Variants in EDAR observed in about 807,000 individuals in gnomAD.
The protein encoded by EDAR is ectodysplasin A receptor, also known as tumor necrosis factor receptor superfamily member EDAR.
In EDAR, 38 loss-of-function variants were observed where a neutral mutation model predicts 51.3. The observed-to-expected ratio is 0.74, with a 90% CI of 0.57 to 0.97. The LOEUF is 0.97. Ranked by LOEUF, EDAR falls within the 50% of genes least tolerant of loss-of-function variation. The pLI is 0.00. For missense variants in EDAR, 528 were observed against 595.0 expected (o/e 0.89, Z 1.17); for synonymous variants, 227 against 242.1 (o/e 0.94, Z 0.58).
intron 1 of EDAR, among the ~76,000 whole-genome samples, chr2:108,963,335 G>A (rs1213235446): frequency 1.3e-5 from 2 of 152,170 alleles, no homozygotes; most frequent in Non-Finnish European, 2.9e-5. Context: ...TTGCTTTCAA[G>A]AGCCCTTCAA....
At chr2:108,948,861 T>A (rs1180938710) in intron 1 of EDAR, among the ~76,000 whole-genome samples, 1 of 152,152 alleles carries the variant, frequency 6.6e-6, no homozygotes, top group Admixed American at 6.5e-5. Flanking sequence ...CTCATGCGTA[T>A]AATCCCAGCA....
chr2:108,977,425 T>C (rs913472957), intron 1 of EDAR, among the ~76,000 whole-genome samples: 1 of 152,120 alleles, frequency 6.6e-6, no homozygotes, highest in South Asian at 2.1e-4. Context: ...CCCGCCACCA[T>C]GCCTGGCTAA....
intron 1 of EDAR, among the ~76,000 whole-genome samples, chr2:108,979,885 G>C (rs1049556837): frequency 6.6e-6 from 1 of 152,192 alleles, no homozygotes; most frequent in Non-Finnish European, 1.5e-5. Flanking sequence ...GGGTAGGGGG[G>C]ACACCTGGCA....
chr2:108,930,290 CAT>C, intron 2 of EDAR, 48 bp from the exon 3 acceptor site: 1 of 1,613,254 alleles, frequency 6.2e-7, no homozygotes, highest in Non-Finnish European at 8.5e-7. Flanking sequence ...CTTAGAAACA[CAT>C]GTGACTCCTG....
At chr2:108,972,300 C>T (rs150684680) in intron 1 of EDAR, among the ~76,000 whole-genome samples, 1 of 152,378 alleles carries the variant, frequency 6.6e-6, no homozygotes, top group East Asian at 1.9e-4. Context: ...ATAGCCATGC[C>T]GGCCCAGTTC....
intron 5 of EDAR, among the ~76,000 whole-genome samples, 172 bp downstream of exon 5, chr2:108,923,194 AAC>A (rs1697183209): frequency 2.0e-5 from 3 of 152,296 alleles, no homozygotes; most frequent in Admixed American, 6.5e-5. Flanking sequence ...AGATGTGGCA[AAC>A]ATCCCTCCCT....
At chr2:108,962,411 C>T (rs1294848473) in intron 1 of EDAR, among the ~76,000 whole-genome samples, 2 of 152,064 alleles carry the variant, frequency 1.3e-5, no homozygotes, top group Non-Finnish European at 2.9e-5. Context: ...CGGTGGCTCA[C>T]GCCTGTAATC....
At chr2:108,944,184 G>C (rs1405189308) in intron 1 of EDAR, among the ~76,000 whole-genome samples, 1 of 152,188 alleles carries the variant, frequency 6.6e-6, no homozygotes, top group African/African-American at 2.4e-5. Context: ...CACGATCTCG[G>C]CTCACTGCAA....
intron 1 of EDAR, among the ~76,000 whole-genome samples, chr2:108,962,674 CAAAAAAAAAAAAA>C (rs66741499): frequency 1.5e-5 from 1 of 66,906 alleles, no homozygotes. Flanking sequence ...GACTCTGTCT[CAAAAAAAAAAAAA>C]AAAAAAAAAA....
intron 1 of EDAR, among the ~76,000 whole-genome samples, chr2:108,986,747 C>T (rs1458564780): frequency 1.3e-5 from 2 of 152,182 alleles, no homozygotes; most frequent in Non-Finnish European, 2.9e-5. Flanking sequence ...TGTTTCCTTG[C>T]TTTATTTTTT....
intron 1 of EDAR, among the ~76,000 whole-genome samples, chr2:108,941,080 A>ATCTTCATATACATGGAATCGG (rs1697584597): frequency 6.6e-6 from 1 of 152,180 alleles, no homozygotes; most frequent in East Asian, 1.9e-4. Context: ...TGCCTGTTCT[A>ATCTTCATATACATGGAATCGG]GATCTTCATA....
intron 1 of EDAR, among the ~76,000 whole-genome samples, chr2:108,984,691 T>G (rs1698469516): frequency 7.0e-6 from 1 of 142,448 alleles, no homozygotes; most frequent in Non-Finnish European, 1.5e-5. Flanking sequence ...AGTTTGTTTG[T>G]TTTTTTTTCA....
At chr2:108,919,653 T>C (rs113403948) in intron 5 of EDAR, among the ~76,000 whole-genome samples, 18,695 of 152,214 alleles carry the variant, frequency 0.12, 1,712 homozygotes, top group African/African-American at 0.26. Context: ...CCACTGCGCC[T>C]GGCCCTGACT....
intron 1 of EDAR, among the ~76,000 whole-genome samples, chr2:108,942,100 G>GCA (rs1697611105): frequency 6.6e-6 from 1 of 152,232 alleles, no homozygotes; most frequent in Non-Finnish European, 1.5e-5. Context: ...TGTGTGTGCT[G>GCA]GGGGCAGAGG....
intron 1 of EDAR, among the ~76,000 whole-genome samples, chr2:108,963,060 G>A (rs185384102): frequency 3.9e-5 from 6 of 152,284 alleles, no homozygotes; most frequent in African/African-American, 1.4e-4. Flanking sequence ...CGTCACTGAA[G>A]GTCACTCACT....
intron 1 of EDAR, among the ~76,000 whole-genome samples, chr2:108,980,063 G>A (rs1164898863): frequency 2.4e-5 from 3 of 126,064 alleles, no homozygotes; most frequent in Non-Finnish European, 4.8e-5. Context: ...ACACTTAACA[G>A]ATCGCCCATC....
chr2:108,913,018 G>A (rs1030855098), intron 5 of EDAR, among the ~76,000 whole-genome samples: 3 of 149,646 alleles, frequency 2.0e-5, no homozygotes, highest in Non-Finnish European at 3.0e-5. Context: ...GCGTGATCTC[G>A]GCTCACTGCA....
At chr2:108,929,121 C>T (rs1337194012) in intron 4 of EDAR, 77 bp downstream of exon 4, 2 of 1,561,242 alleles carry the variant, frequency 1.3e-6, no homozygotes, top group African/African-American at 1.4e-5. Flanking sequence ...ACCCCTGTTC[C>T]CAAGGTCCTT....
intron 1 of EDAR, among the ~76,000 whole-genome samples, chr2:108,936,998 G>A (rs1478248764): frequency 6.6e-6 from 1 of 152,214 alleles, no homozygotes; most frequent in African/African-American, 2.4e-5. Context: ...TCTCTGGCCA[G>A]GCAGGGGAGG....
Sources: allele counts gnomAD v4.1 joint callset (sites outside exome capture counted in the v4.1 genomes callset), GRCh38; gene constraint gnomAD v4.1.1; transcripts MANE v1.5; gene names NCBI Gene and HGNC (gene_info 2026-07-23, HGNC 2026-07-21).